The following PCNT variants were observed in gnomAD, a reference collection of about 807,000 sequenced individuals.
PCNT encodes the protein kendrin.
A neutral mutation model predicts 380.4 loss-of-function variants in PCNT; 319 were observed. The ratio of observed to expected loss-of-function variants is 0.84; its 90% CI spans 0.77 to 0.92. The LOEUF (loss-of-function observed/expected upper bound fraction) is 0.92, where lower values mean the gene tolerates loss of function less well. Ranked by LOEUF, PCNT falls within the 40% of genes least tolerant of loss-of-function variation. The probability of loss-of-function intolerance (pLI) is 0.00; values close to 1 mark genes in which losing one functional copy is unlikely to be tolerated. For synonymous variants in PCNT, 1,845 were observed against 1,735.2 expected, an observed-to-expected ratio of 1.06 and a Z score of -1.57; for missense variants, 4,400 against 4,255.3, an observed-to-expected ratio of 1.03 and a Z score of -0.95.
In PCNT at chr21:46,416,946, G is replaced by T. The variant is rs530138124; in HGVS notation, c.6921+107G>T. ...TTCACCTCCTGACAGCACACACCTC[G>T]CAGTGCTGTGTGGGGCCAGCTCTGC... On this transcript the variant is annotated intron_variant, in intron 30 of 46. Transcript: ENST00000359568. 118 of 1,104,626 alleles carry T rather than the reference G, an allele frequency of 1.1e-4. No homozygotes were observed. The African/African-American group carries it at 1.6e-3, about 15-fold the overall frequency. The allele number at this position is 1,104,626 out of a possible 1,614,324, so 68.4% of individuals were successfully genotyped here.
At chr21:46,353,368 AG>A in intron 10 of PCNT, 42 bp downstream of exon 10, 1 of 1,523,922 alleles carries the variant, frequency 6.6e-7, no homozygotes, top group Non-Finnish European at 9.1e-7. Flanking sequence ...TCTGCCATAC[AG>A]GGGCCAGGCT....
intron 2 of PCNT, among the ~76,000 whole-genome samples, chr21:46,327,716 C>G (rs1192659114): frequency 6.6e-6 from 1 of 152,244 alleles, no homozygotes; most frequent in East Asian, 1.9e-4. Context: ...ACATTTAAAA[C>G]ATAATATTCC....
intron 13 of PCNT, among the ~76,000 whole-genome samples, chr21:46,358,066 C>G (rs915747570): frequency 6.6e-6 from 1 of 151,892 alleles, no homozygotes; most frequent in East Asian, 1.9e-4. Context: ...TCAAGTGAGC[C>G]GACAGGGCAG....
At chr21:46,332,543 C>A (rs1474911290) in intron 2 of PCNT, among the ~76,000 whole-genome samples, 1 of 152,212 alleles carries the variant, frequency 6.6e-6, no homozygotes. Flanking sequence ...GAAGTGTGAT[C>A]ATTCATGTGA....
At chr21:46,358,480 C>G (rs1420979506) in intron 13 of PCNT, among the ~76,000 whole-genome samples, 1 of 152,192 alleles carries the variant, frequency 6.6e-6, no homozygotes, top group African/African-American at 2.4e-5. Context: ...AGGGTGGAGC[C>G]CTGTGGGGAG....
intron 9 of PCNT, 104 bp from the exon 10 acceptor site, chr21:46,353,000 T>C: frequency 1.1e-6 from 1 of 911,738 alleles, no homozygotes; most frequent in East Asian, 2.5e-5. Flanking sequence ...ATGGGCCCTT[T>C]TCCGAGTTCT....
chr21:46,347,564 T>C (rs1193425206), intron 6 of PCNT, 52 bp downstream of exon 6: 1 of 1,564,472 alleles, frequency 6.4e-7, no homozygotes. Context: ...TGTTTTTCCT[T>C]TCTCGCCAGG....
chr21:46,337,125 G>A (rs1247630826), intron 3 of PCNT, among the ~76,000 whole-genome samples: 1 of 151,964 alleles, frequency 6.6e-6, no homozygotes, highest in Non-Finnish European at 1.5e-5. Flanking sequence ...AGCCTCTCTA[G>A]TAGCTGCGAT....
intron 15 of PCNT, 151 bp downstream of exon 15, chr21:46,367,290 T>A: frequency 1.6e-6 from 1 of 635,650 alleles, no homozygotes; most frequent in Non-Finnish European, 2.7e-6. Flanking sequence ...TGGGGACTTC[T>A]GGTCTCTTTG....
intron 14 of PCNT, 75 bp downstream of exon 14, chr21:46,364,009 T>TGGGA: frequency 1.5e-6 from 2 of 1,378,696 alleles, no homozygotes. Context: ...GGCAGGCTCC[T>TGGGA]GGGAGGAGGC....
At chr21:46,436,374 G>T (rs1161519358) in intron 39 of PCNT, among the ~76,000 whole-genome samples, 1 of 151,692 alleles carries the variant, frequency 6.6e-6, no homozygotes, top group Admixed American at 6.6e-5. Context: ...TACGCCTGAC[G>T]TGGGGCTTCC....
chr21:46,428,614 C>T (rs772563344), intron 35 of PCNT, 24 bp downstream of exon 35: 1 of 1,571,554 alleles, frequency 6.4e-7, no homozygotes, highest in East Asian at 2.3e-5. Context: ...TCTACACTGC[C>T]TGGGGCCCGG....
chr21:46,372,303 A>T (rs925126917), intron 15 of PCNT, among the ~76,000 whole-genome samples: 10 of 150,278 alleles, frequency 6.7e-5, no homozygotes, highest in African/African-American at 2.5e-4. Flanking sequence ...CACATAGCAG[A>T]TGTGCACACA....
intron 16 of PCNT, among the ~76,000 whole-genome samples, chr21:46,382,440 C>T (rs1016338763): frequency 7.5e-5 from 11 of 146,308 alleles, no homozygotes; most frequent in Non-Finnish European, 1.5e-4. Flanking sequence ...GTTGTATATT[C>T]AGTGGCGGAA....
At position 46,363,901 on chromosome 21, in the gene PCNT, A is replaced by AC. The variant is rs752249787; in HGVS notation, c.2577dup (p.Cys860LeufsTer17). ...CTTGCTGCGCTCCACGTGAAGGAAG[A>AC]CTGCGCCCTGCAGCTGATGCTGGCC... On this transcript the variant is annotated frameshift_variant, in exon 14 of 47. Transcript: ENST00000359568. LOFTEE classifies it high-confidence loss of function. The AC allele has an allele frequency of 4.3e-6, 7 of 1,610,946 alleles. No individual in the cohort carries two copies. The highest frequency in any genetic ancestry group is 5.9e-6 in the Non-Finnish European group (7 of 1,179,584).
At chr21:46,385,303 C>T (rs978284606) in intron 16 of PCNT, among the ~76,000 whole-genome samples, 2 of 152,224 alleles carry the variant, frequency 1.3e-5, no homozygotes, top group African/African-American at 4.8e-5. Context: ...CTACAGTGAG[C>T]TGTGATTGTG....
rs141103259 is a variant in PCNT, at chr21:46,416,942, C to T, written c.6921+103C>T. On this transcript the variant is annotated intron_variant, in intron 30 of 46. Coordinates refer to ENST00000359568, the MANE Select transcript of PCNT (RefSeq NM_006031.6). ...TTTGTTCACCTCCTGACAGCACACA[C>T]CTCGCAGTGCTGTGTGGGGCCAGCT... 9 of 1,135,924 alleles carry T rather than the reference C, an allele frequency of 7.9e-6. No individual in the cohort carries two copies. The East Asian group carries it at 2.0e-4, about 26-fold the overall frequency. 70.4% of individuals were successfully genotyped at this position (1,135,924 alleles called of 1,614,324 possible).
At chr21:46,370,526 C>T (rs2085083512) in intron 15 of PCNT, among the ~76,000 whole-genome samples, 1 of 151,916 alleles carries the variant, frequency 6.6e-6, no homozygotes, top group Admixed American at 6.6e-5. Flanking sequence ...GGGGAAGCCA[C>T]GCTTAGCTGG....
intron 21 of PCNT, among the ~76,000 whole-genome samples, chr21:46,391,977 C>A (rs1339475511): frequency 6.6e-6 from 1 of 152,232 alleles, no homozygotes; most frequent in Non-Finnish European, 1.5e-5. Context: ...CTAAAAGTTC[C>A]TTCCAGGATG....
Sources: allele counts gnomAD v4.1 joint callset (sites outside exome capture counted in the v4.1 genomes callset), GRCh38; gene constraint gnomAD v4.1.1; transcripts MANE v1.5; gene names NCBI Gene and HGNC (gene_info 2026-07-23, HGNC 2026-07-21).